Variants in NKAIN2 observed in about 807,000 individuals in gnomAD.
NKAIN2 encodes the protein sodium/potassium transporting ATPase interacting 2, also known as sodium/potassium-transporting ATPase subunit beta-1-interacting protein 2.
NKAIN2 carries 14 observed loss-of-function variants against 32.6 expected under a neutral mutation model. The observed-to-expected ratio is 0.43, with a 90% confidence interval of 0.28 to 0.67. The LOEUF is 0.67. NKAIN2 is among the 30% of genes least tolerant of loss of function. The probability of loss-of-function intolerance (pLI) is 0.17; values close to 1 mark genes in which losing one functional copy is unlikely to be tolerated. For synonymous variants in NKAIN2, 80 were observed against 87.2 expected, an observed-to-expected ratio of 0.92 and a Z score of 0.46; for missense variants, 198 against 258.3, an observed-to-expected ratio of 0.77 and a Z score of 1.60.
chr6:124,029,914 G>A (rs911000405), intron 1 of NKAIN2, among the ~76,000 whole-genome samples: 4 of 151,908 alleles, frequency 2.6e-5, no homozygotes, highest in Admixed American at 1.3e-4. Context: ...TCTAGGTTGC[G>A]TGCTCCTTAT....
At chr6:124,473,580 T>C (rs76641531) in intron 3 of NKAIN2, among the ~76,000 whole-genome samples, 3,970 of 152,238 alleles carry the variant, frequency 0.026, 158 homozygotes, top group African/African-American at 0.085. Context: ...TAAGATTGTT[T>C]CCTTACATAG....
chr6:124,706,163 T>C (rs966232527), intron 4 of NKAIN2, among the ~76,000 whole-genome samples: 1 of 152,142 alleles, frequency 6.6e-6, no homozygotes, highest in African/African-American at 2.4e-5. Flanking sequence ...TCCACTTGTT[T>C]TAATTGAATT....
At chr6:124,216,974 A>T (rs909415801) in intron 1 of NKAIN2, among the ~76,000 whole-genome samples, 29 of 152,322 alleles carry the variant, frequency 1.9e-4, no homozygotes, top group Non-Finnish European at 1.8e-4. Context: ...ACTGTATATT[A>T]CACCATTTGG....
chr6:124,175,638 C>T (rs1789117438), intron 1 of NKAIN2, among the ~76,000 whole-genome samples: 1 of 152,134 alleles, frequency 6.6e-6, no homozygotes, highest in Non-Finnish European at 1.5e-5. Flanking sequence ...TATTTTTATA[C>T]AATGGGAAGT....
chr6:124,743,722 G>T (rs1777330352), intron 4 of NKAIN2, among the ~76,000 whole-genome samples: 1 of 151,860 alleles, frequency 6.6e-6, no homozygotes, highest in African/African-American at 2.4e-5. Context: ...AAAGTTAGAA[G>T]TATTGTTGGT....
intron 1 of NKAIN2, among the ~76,000 whole-genome samples, chr6:123,910,499 G>GTTTT (rs35165515): frequency 0.012 from 949 of 81,250 alleles, 84 homozygotes; most frequent in African/African-American, 0.038. Context: ...TGCAATGCAT[G>GTTTT]TTTTTTTTTT....
At chr6:124,099,497 C>A (rs1038953615) in intron 1 of NKAIN2, among the ~76,000 whole-genome samples, 1 of 152,076 alleles carries the variant, frequency 6.6e-6, no homozygotes, top group Non-Finnish European at 1.5e-5. Flanking sequence ...ATTATATATA[C>A]CAATGTAAAG....
intron 1 of NKAIN2, among the ~76,000 whole-genome samples, chr6:124,205,270 C>G (rs567664854): frequency 1.6e-4 from 25 of 151,922 alleles, no homozygotes; most frequent in Admixed American, 1.3e-3. Context: ...TTAGATGCTT[C>G]TACACGAATT....
chr6:124,298,884 C>T (rs1796175345), intron 2 of NKAIN2, among the ~76,000 whole-genome samples: 1 of 152,306 alleles, frequency 6.6e-6, no homozygotes, highest in East Asian at 1.9e-4. Context: ...GTGATTTTAG[C>T]CTGCCTAGGG....
At chr6:124,154,774 T>G (rs1787901702) in intron 1 of NKAIN2, among the ~76,000 whole-genome samples, 1 of 151,972 alleles carries the variant, frequency 6.6e-6, no homozygotes, top group Non-Finnish European at 1.5e-5. Flanking sequence ...AATCATATTC[T>G]TAACTGAAAA....
At position 124,228,442 on chromosome 6, in the gene NKAIN2, G is replaced by T. The variant is rs188162635; in HGVS notation, c.55-54563G>T. Among the ~76,000 whole-genome samples the T allele has an allele frequency of 2.4e-3, 370 of 152,268 alleles. 4 individuals are homozygous for T. Among genetic ancestry groups the T allele is most frequent in the African/African-American group, 8.4e-3 (350 of 41,568 alleles). Reference sequence around the variant, plus strand: ...CTGTGAGTAATAAATTCTCTTGTTTGTAAGGCATCCAGGCTCTTATACTTT... The same window carrying T: ...CTGTGAGTAATAAATTCTCTTGTTTTTAAGGCATCCAGGCTCTTATACTTT... On this transcript the variant is annotated intron_variant, in intron 1 of 6. Transcript: ENST00000368417.
chr6:124,533,558 C>G (rs1316084805), intron 3 of NKAIN2, among the ~76,000 whole-genome samples: 1 of 151,712 alleles, frequency 6.6e-6, no homozygotes, highest in Non-Finnish European at 1.5e-5. Context: ...TCCTCTTCCA[C>G]CTCTCTGTCT....
At chr6:123,814,371 G>A (rs1200964389) in intron 1 of NKAIN2, among the ~76,000 whole-genome samples, 1 of 152,104 alleles carries the variant, frequency 6.6e-6, no homozygotes, top group Non-Finnish European at 1.5e-5. Context: ...TGCATTTTTA[G>A]TTTACCATTT....
At chr6:124,212,956 A>T (rs1050503709) in intron 1 of NKAIN2, among the ~76,000 whole-genome samples, 1 of 152,084 alleles carries the variant, frequency 6.6e-6, no homozygotes, top group Non-Finnish European at 1.5e-5. Context: ...TCATGATGTA[A>T]ATTGGACTAT....
At chr6:124,649,005 A>G (rs921085130) in intron 3 of NKAIN2, among the ~76,000 whole-genome samples, 1 of 152,190 alleles carries the variant, frequency 6.6e-6, no homozygotes, top group Non-Finnish European at 1.5e-5. Context: ...TTTGAGGGAA[A>G]TTTATAGCAT....
intron 3 of NKAIN2, among the ~76,000 whole-genome samples, chr6:124,520,212 GAAAAGA>G (rs1430924496): frequency 1.3e-5 from 2 of 152,074 alleles, no homozygotes; most frequent in East Asian, 1.9e-4. Context: ...GGAAAAAAAA[GAAAAGA>G]AAAAGAGAGA....
At chr6:124,296,421 C>G (rs1367119822) in intron 2 of NKAIN2, among the ~76,000 whole-genome samples, 1 of 152,050 alleles carries the variant, frequency 6.6e-6, no homozygotes, top group Non-Finnish European at 1.5e-5. Flanking sequence ...CCCATCTTAT[C>G]ATTTTATGTA....
chr6:124,345,914 A>G (rs1798399024), intron 2 of NKAIN2, among the ~76,000 whole-genome samples: 1 of 151,804 alleles, frequency 6.6e-6, no homozygotes, highest in African/African-American at 2.4e-5. Context: ...TAGTTCTTTT[A>G]ATTGTGATGT....
intron 1 of NKAIN2, among the ~76,000 whole-genome samples, chr6:124,263,154 C>T (rs1369743821): frequency 6.6e-6 from 1 of 152,128 alleles, no homozygotes; most frequent in Non-Finnish European, 1.5e-5. Flanking sequence ...GTTTAAGTCA[C>T]TATGATGGCT....
Sources: gnomAD v4.1 joint callset for allele counts (sites outside exome capture counted in the v4.1 genomes callset) on GRCh38, gnomAD v4.1.1 for gene constraint, MANE v1.5 for transcripts, NCBI Gene and HGNC (gene_info 2026-07-23, HGNC 2026-07-21) for gene names.